GLIS3: variants seen among roughly 807,000 people sequenced by gnomAD.
GLIS3 encodes the protein zinc finger protein GLIS3.
Under a neutral mutation model 78.6 loss-of-function variants are expected in GLIS3, and 53 were observed. The ratio of observed to expected loss-of-function variants is 0.67; its 90% confidence interval spans 0.54 to 0.85. The LOEUF (loss-of-function observed/expected upper bound fraction) is 0.85, where lower values mean the gene tolerates loss of function less well. GLIS3 is among the 40% of genes least tolerant of loss of function. The pLI is 0.00. For synonymous variants in GLIS3, 684 were observed against 509.9 expected, an observed-to-expected ratio of 1.34 and a Z score of -4.60; for missense variants, 1,703 against 1,231.1, an observed-to-expected ratio of 1.38 and a Z score of -5.74.
the GLIS3 span, among the ~76,000 whole-genome samples, chr9:4,385,340 G>A: frequency 2.0e-5 from 3 of 152,194 alleles, no homozygotes; most frequent in South Asian, 6.2e-4. Context: ...TAGACTCCAT[G>A]AACCTCAGAC....
At chr9:4,090,285 G>C (rs766746356) in intron 4 of GLIS3, among the ~76,000 whole-genome samples, 1 of 151,974 alleles carries the variant, frequency 6.6e-6, no homozygotes, top group Non-Finnish European at 1.5e-5. Flanking sequence ...TTCAAACTGC[G>C]GTCCTGGCTC....
chr9:4,307,864 C>G (rs1488217588), intron 4 of GLIS3, among the ~76,000 whole-genome samples: 1 of 152,158 alleles, frequency 6.6e-6, no homozygotes, highest in Non-Finnish European at 1.5e-5. Flanking sequence ...CCTGCCACAC[C>G]TTGATCTTAG....
At chr9:4,210,939 T>A (rs1374910770) in intron 2 of GLIS3, among the ~76,000 whole-genome samples, 1 of 152,132 alleles carries the variant, frequency 6.6e-6, no homozygotes, top group Non-Finnish European at 1.5e-5. Flanking sequence ...CAGCTTTAGC[T>A]CCATGGGCCA....
intron 2 of GLIS3, among the ~76,000 whole-genome samples, chr9:4,329,706 C>G (rs1277600373): frequency 6.6e-6 from 1 of 152,086 alleles, no homozygotes; most frequent in African/African-American, 2.4e-5. Context: ...GATATGCGAA[C>G]CTCCTCCAGC....
At chr9:4,236,491 C>T (rs771258472) in intron 2 of GLIS3, among the ~76,000 whole-genome samples, 2 of 152,132 alleles carry the variant, frequency 1.3e-5, no homozygotes, top group Non-Finnish European at 2.9e-5. Flanking sequence ...TTAAGTTAAA[C>T]AGTTTTTTTG....
intron 4 of GLIS3, among the ~76,000 whole-genome samples, chr9:4,099,621 C>T (rs911252558): frequency 1.3e-5 from 2 of 152,138 alleles, no homozygotes; most frequent in African/African-American, 4.8e-5. Flanking sequence ...CTTCAACATA[C>T]CTCTTTTAGG....
chr9:4,029,175 C>T (rs1025869428), intron 4 of GLIS3, among the ~76,000 whole-genome samples: 4 of 152,114 alleles, frequency 2.6e-5, no homozygotes, highest in Non-Finnish European at 5.9e-5. Context: ...TTAAAAACTA[C>T]CTGTGAAACC....
intron 2 of GLIS3, among the ~76,000 whole-genome samples, chr9:4,133,401 T>C (rs937892586): frequency 6.6e-6 from 1 of 152,222 alleles, no homozygotes; most frequent in Admixed American, 6.5e-5. Context: ...AAGAATGGGT[T>C]ATCACCAACT....
Position 4,298,644 on chromosome 9 carries a change from A to G in GLIS3, c.-99+777T>C, listed in dbSNP as rs1040114599. ...AGGACAACGTCTCCGAGACTGAGAC[A>G]TTTTCCAAACAGTGCTGACATTTTG... On this transcript the variant is annotated intron_variant, in intron 1 of 10. Coordinates refer to ENST00000381971, the MANE Select transcript of GLIS3 (RefSeq NM_001042413.2). 5 of 218,536 alleles carry G rather than the reference A, an allele frequency of 2.3e-5. No individual in the cohort carries two copies. In the Admixed American group the frequency reaches 2.8e-4, roughly 12 times the overall value. The allele number at this position is 218,536 out of a possible 1,614,324, so 13.5% of individuals were successfully genotyped here. A position where few individuals can be genotyped will look rare whatever the true frequency, so the allele number is the denominator to read the frequency against.
the GLIS3 span, among the ~76,000 whole-genome samples, chr9:4,467,497 G>A: frequency 1.3e-4 from 20 of 152,298 alleles, no homozygotes; most frequent in African/African-American, 3.9e-4. Flanking sequence ...CGCAGCCTCC[G>A]CTGGTGATAC....
At chr9:3,847,854 C>T (rs1379024357) in intron 9 of GLIS3, among the ~76,000 whole-genome samples, 1 of 152,176 alleles carries the variant, frequency 6.6e-6, no homozygotes, top group Non-Finnish European at 1.5e-5. Flanking sequence ...TTAAGGACTT[C>T]TCCAAATCTA....
intron 2 of GLIS3, among the ~76,000 whole-genome samples, chr9:4,271,527 G>A (rs1010577868): frequency 6.6e-6 from 1 of 152,188 alleles, no homozygotes; most frequent in African/African-American, 2.4e-5. Context: ...ATAAAGAGAA[G>A]CACAGAAAAG....
the GLIS3 span, among the ~76,000 whole-genome samples, chr9:4,399,456 GC>G: frequency 5.4e-4 from 82 of 152,290 alleles, 1 homozygote; most frequent in African/African-American, 1.9e-3. Context: ...GGAAACTAAG[GC>G]TTATGAATAT....
At chr9:3,921,635 A>C (rs759710296) in intron 6 of GLIS3, among the ~76,000 whole-genome samples, 1 of 152,182 alleles carries the variant, frequency 6.6e-6, no homozygotes, top group Non-Finnish European at 1.5e-5. Flanking sequence ...AATATGTAAA[A>C]ATATATCTAT....
intron 2 of GLIS3, among the ~76,000 whole-genome samples, chr9:4,196,503 C>T (rs745468573): frequency 1.3e-5 from 2 of 152,192 alleles, no homozygotes; most frequent in Non-Finnish European, 2.9e-5. Flanking sequence ...TAACCCTCAC[C>T]ATAAAGTTCT....
chr9:4,241,739 G>GGAATGTC (rs1823338462), intron 2 of GLIS3, among the ~76,000 whole-genome samples: 1 of 152,114 alleles, frequency 6.6e-6, no homozygotes, highest in Non-Finnish European at 1.5e-5. Flanking sequence ...CTGGAATGCA[G>GGAATGTC]CAGCGTGATC....
intron 8 of GLIS3, chr9:3,878,642 G>C (rs1006300913): frequency 2.6e-5 from 4 of 152,082 alleles, no homozygotes; most frequent in African/African-American, 9.7e-5. Context: ...AACCAGGTAG[G>C]TCAACTCAAG....
At chr9:4,133,661 T>A (rs944423363) in intron 2 of GLIS3, among the ~76,000 whole-genome samples, 1 of 152,168 alleles carries the variant, frequency 6.6e-6, no homozygotes, top group African/African-American at 2.4e-5. Flanking sequence ...GATTAAAAAG[T>A]CTAATATATG....
At chr9:4,098,899 C>T (rs2130790180) in intron 4 of GLIS3, among the ~76,000 whole-genome samples, 1 of 152,284 alleles carries the variant, frequency 6.6e-6, no homozygotes, top group South Asian at 2.1e-4. Context: ...TACTCACATC[C>T]AGGTCTCAAT....
Sources: gnomAD v4.1 joint callset for allele counts (sites outside exome capture counted in the v4.1 genomes callset) on GRCh38, gnomAD v4.1.1 for gene constraint, MANE v1.5 for transcripts, NCBI Gene and HGNC (gene_info 2026-07-23, HGNC 2026-07-21) for gene names.